Variants in NGLY1 observed in about 807,000 individuals in gnomAD.
The protein encoded by NGLY1 is peptide-N(4)-(N-acetyl-beta-glucosaminyl)asparagine amidase.
A neutral mutation model predicts 84.6 loss-of-function variants in NGLY1; 68 were observed. The ratio of observed to expected loss-of-function variants is 0.80; its 90% CI spans 0.66 to 0.98. The LOEUF is 0.98. NGLY1 is among the 50% of genes least tolerant of loss of function. NGLY1 has a pLI of 0.00. For missense variants in NGLY1, 779 were observed against 770.2 expected (o/e 1.01, Z -0.14); for synonymous variants, 280 against 275.2 (o/e 1.02, Z -0.17).
Position 25,729,125 on chromosome 3 carries a change from TAA to T in NGLY1, c.1611+6_1611+7del, listed in dbSNP as rs1225881585. The stretch of plus-strand genomic sequence containing the variant: ...AAAAGTTTTAAATGGTTTTATGCAT[TAA>T]GTTACCATGTGCCAGTCTGTTTCAA... On this transcript the variant is annotated splice_donor_region_variant and intron_variant, in intron 10 of 11. Transcript: ENST00000280700. The T allele has an allele frequency of 1.4e-6, 2 of 1,439,314 alleles. No homozygotes were observed. Among genetic ancestry groups the T allele is most frequent in the Non-Finnish European group, 1.8e-6 (2 of 1,083,180 alleles). 89.2% of individuals were successfully genotyped at this position (1,439,314 alleles called of 1,614,324 possible). A position where few individuals can be genotyped will look rare whatever the true frequency, so the allele number is the denominator to read the frequency against.
rs939411904 is a variant in NGLY1, at chr3:25,719,322, T to G, written c.*138A>C. On this transcript the variant is annotated 3_prime_UTR_variant, in exon 12 of 12. Transcript: ENST00000280700. Reference sequence around the variant, plus strand: ...AGTCCACGTATAAAGATAATTTTCATGAGGGTTACATGATGGATAGCTAGC... The same window carrying G: ...AGTCCACGTATAAAGATAATTTTCAGGAGGGTTACATGATGGATAGCTAGC... The G allele has an allele frequency of 1.8e-5, 10 of 561,972 alleles. No individual in the cohort carries two copies. The highest frequency in any genetic ancestry group is 1.7e-4 in the African/African-American group (9 of 53,400). The allele number at this position is 561,972 out of a possible 1,614,324, so 34.8% of individuals were successfully genotyped here.
chr3:25,755,239 G>T, intron 3 of NGLY1: 1 of 1,372,762 alleles, frequency 7.3e-7, no homozygotes, highest in Non-Finnish European at 1.0e-6. Context: ...CTTTGCCACT[G>T]ATTAAGCCAT....
intron 2 of NGLY1, 54 bp downstream of exon 2, chr3:25,778,520 A>G (rs938945447): frequency 3.1e-6 from 3 of 970,212 alleles, no homozygotes; most frequent in Admixed American, 2.4e-5. Flanking sequence ...CACCAACATG[A>G]TAATGGCTGC....
chr3:25,754,554 C>A (rs1489178971), intron 3 of NGLY1, among the ~76,000 whole-genome samples: 1 of 151,908 alleles, frequency 6.6e-6, no homozygotes, highest in African/African-American at 2.4e-5. Flanking sequence ...TTCAGAATAT[C>A]ACTTTAGCCA....
intron 7 of NGLY1, 65 bp from the exon 8 acceptor site, chr3:25,734,047 T>C (rs1230081664): frequency 5.7e-6 from 9 of 1,582,714 alleles, no homozygotes; most frequent in East Asian, 2.3e-5. Context: ...ACTTACTAAA[T>C]ACCTAGAATG....
intron 4 of NGLY1, among the ~76,000 whole-genome samples, chr3:25,744,369 G>A (rs1170362641): frequency 6.6e-6 from 1 of 152,160 alleles, no homozygotes; most frequent in East Asian, 1.9e-4. Context: ...ATCAAATCAT[G>A]CTTCTCTATC....
intron 3 of NGLY1, 131 bp downstream of exon 3, chr3:25,763,935 T>C: frequency 8.3e-7 from 1 of 1,209,634 alleles, no homozygotes; most frequent in Non-Finnish European, 1.1e-6. Context: ...AATTTGGATG[T>C]TTTAGAGTTA....
At chr3:25,728,843 A>G (rs1705394872) in intron 10 of NGLY1, among the ~76,000 whole-genome samples, 1 of 152,156 alleles carries the variant, frequency 6.6e-6, no homozygotes, top group African/African-American at 2.4e-5. Flanking sequence ...ATATATGTTC[A>G]TGCAAAAATC....
chr3:25,738,170 T>C (rs772844317), intron 5 of NGLY1, among the ~76,000 whole-genome samples: 3 of 152,214 alleles, frequency 2.0e-5, no homozygotes, highest in Non-Finnish European at 2.9e-5. Flanking sequence ...GTGGTATAGC[T>C]AGCTCACTGT....
Position 25,783,378 on chromosome 3 carries a change from C to G in NGLY1, c.13G>C (p.Ala5Pro). The change falls in exon 1 of 12, where the codon GCA (alanine) becomes CCA (proline). Residue 5 changes from alanine (A) to proline (P), a missense_variant. By Grantham distance (27) the Ala-to-Pro change is conservative. Coordinates refer to ENST00000280700, the MANE Select transcript of NGLY1 (RefSeq NM_018297.4). This position sits in a 1 kb window ranked among gnomAD's most constrained non-coding sequence, Gnocchi z 4.5. Reference protein sequence around the residue: MAAAALGSSSGSASP... With the variant: MAAAPLGSSSGSASP... ...GCCGAGCCTGAGGAGCTGCCCAATG[C>G]CGCCGCCGCCATGCTTGAGCGCCAG... 1.3e-6 allele frequency: 2 copies of G among 1,541,730 alleles called. No homozygotes were observed. The highest frequency in any genetic ancestry group is 1.7e-6 in the Non-Finnish European group (2 of 1,144,814).
chr3:25,769,650 A>G (rs924756409), intron 2 of NGLY1, among the ~76,000 whole-genome samples: 1 of 152,204 alleles, frequency 6.6e-6, no homozygotes. Flanking sequence ...TTCCTCAAAA[A>G]AACTAAAAAT....
intron 11 of NGLY1, among the ~76,000 whole-genome samples, 179 bp downstream of exon 11, chr3:25,719,835 A>C (rs772581483): frequency 2.6e-5 from 4 of 152,128 alleles, no homozygotes; most frequent in Non-Finnish European, 4.4e-5. Context: ...TTCACAACAG[A>C]AAACATCAGC....
chr3:25,775,954 C>T (rs1708136354), intron 2 of NGLY1, among the ~76,000 whole-genome samples: 1 of 152,196 alleles, frequency 6.6e-6, no homozygotes, highest in Non-Finnish European at 1.5e-5. Context: ...AAAATATCAC[C>T]TGTACCCCAT....
intron 2 of NGLY1, among the ~76,000 whole-genome samples, chr3:25,774,069 G>C (rs1373897981): frequency 6.6e-6 from 1 of 152,218 alleles, no homozygotes; most frequent in Non-Finnish European, 1.5e-5. Context: ...GTTTTGTTTA[G>C]TGTGTTGGTT....
chr3:25,783,058 T>G lies in NGLY1; in HGVS notation c.131+202A>C, dbSNP rs1379667499. On this transcript the variant is annotated intron_variant, in intron 1 of 11. Coordinates refer to ENST00000280700, the MANE Select transcript of NGLY1 (RefSeq NM_018297.4). The surrounding 1 kb of genome is among the most constrained non-coding windows in gnomAD (Gnocchi z 4.5). ...ACAACTGCAAAGAAACTTCCTTTTCTCGAGCGGGGGTGGGACTTGGCCGGG... is the reference window on the plus strand; with the variant it reads ...ACAACTGCAAAGAAACTTCCTTTTCGCGAGCGGGGGTGGGACTTGGCCGGG... 3.8e-6 allele frequency: 2 copies of G among 531,840 alleles called. No homozygotes were observed. The highest frequency in any genetic ancestry group is 6.7e-6 in the Non-Finnish European group (2 of 297,878). The allele number at this position is 531,840 out of a possible 1,614,324, so 32.9% of individuals were successfully genotyped here.
rs1179223114 is a variant in NGLY1 at position 25,767,605 on chromosome 3, A to T, written c.247-3294T>A. On this transcript the variant is annotated intron_variant, in intron 2 of 11. Transcript: ENST00000280700. Reference sequence around the variant, plus strand: ...TCCTAATCTTTTTCATTTCAACATCACTCTCAGAAACTGTCATAAAAAAGA... The same window carrying T: ...TCCTAATCTTTTTCATTTCAACATCTCTCTCAGAAACTGTCATAAAAAAGA... Among the ~76,000 whole-genome samples the T allele has an allele frequency of 2.0e-5, 3 of 151,968 alleles. No individual in the cohort carries two copies. In the East Asian group the frequency reaches 5.8e-4, roughly 29 times the overall value.
chr3:25,777,211 C>T (rs192103977), intron 2 of NGLY1, among the ~76,000 whole-genome samples: 68 of 152,268 alleles, frequency 4.5e-4, no homozygotes, highest in African/African-American at 1.4e-3. Context: ...ACCTGACCAA[C>T]ATGGAGAAAT....
intron 5 of NGLY1, among the ~76,000 whole-genome samples, chr3:25,738,270 T>C (rs1390813208): frequency 6.6e-6 from 1 of 152,244 alleles, no homozygotes; most frequent in Non-Finnish European, 1.5e-5. Flanking sequence ...TCTTTCTTTC[T>C]AATAATCATT....
At chr3:25,786,263 C>A (rs114323185), upstream of NGLY1, among the ~76,000 whole-genome samples, 4,101 of 151,604 alleles carry the variant, frequency 0.027, 121 homozygotes, top group South Asian at 0.13. Flanking sequence ...GCAGAGGTTG[C>A]AGTGAGCTGA....
Sources: gnomAD v4.1 joint callset for allele counts (sites outside exome capture counted in the v4.1 genomes callset) on GRCh38, gnomAD v4.1.1 for gene constraint, Gnocchi (gnomAD v3.1) non-coding constraint, MANE v1.5 for transcripts, NCBI Gene and HGNC (gene_info 2026-07-23, HGNC 2026-07-21) for gene names.